Variants in DIS3L2 observed in about 807,000 individuals in gnomAD.
DIS3L2 encodes the protein DIS3-like exonuclease 2.
A neutral mutation model predicts 97.5 loss-of-function variants in DIS3L2; 34 were observed. The observed-to-expected ratio is 0.35, with a 90% CI of 0.27 to 0.46. DIS3L2 has a LOEUF of 0.46. DIS3L2 is among the 20% of genes least tolerant of loss of function. The pLI, the probability that DIS3L2 is intolerant of heterozygous loss-of-function variation, is 1.00. For synonymous variants in DIS3L2, 435 were observed against 445.2 expected (o/e 0.98, Z 0.29); for missense variants, 1,038 against 1,146.0 (o/e 0.91, Z 1.36).
intron 1 of DIS3L2, among the ~76,000 whole-genome samples, chr2:231,987,355 G>A (rs926031281): frequency 2.0e-5 from 3 of 152,158 alleles, no homozygotes; most frequent in African/African-American, 7.2e-5. Context: ...CATGTGTATG[G>A]GTTTGCCAAG....
intron 13 of DIS3L2, among the ~76,000 whole-genome samples, chr2:232,297,179 A>G (rs950916706): frequency 1.3e-5 from 2 of 152,078 alleles, no homozygotes; most frequent in South Asian, 2.1e-4. Context: ...GCATTTCTCT[A>G]TGCCCTCTCT....
chr2:232,059,273 C>G (rs560823392), intron 5 of DIS3L2, among the ~76,000 whole-genome samples: 1 of 152,204 alleles, frequency 6.6e-6, no homozygotes, highest in South Asian at 2.1e-4. Context: ...AAGATGAAAG[C>G]TTTTAAAATG....
chr2:232,120,048 A>G (rs1046327830), intron 6 of DIS3L2, among the ~76,000 whole-genome samples: 8 of 152,086 alleles, frequency 5.3e-5, no homozygotes, highest in Non-Finnish European at 1.2e-4. Flanking sequence ...CTACTCTCAG[A>G]TGATGTTATC....
intron 5 of DIS3L2, among the ~76,000 whole-genome samples, chr2:232,080,829 A>G (rs1229797558): frequency 1.4e-5 from 2 of 147,200 alleles, no homozygotes; most frequent in Non-Finnish European, 3.0e-5. Flanking sequence ...TGAGCCTGGG[A>G]GGTGGAGGTT....
intron 14 of DIS3L2, among the ~76,000 whole-genome samples, chr2:232,327,263 A>T (rs149499215): frequency 3.3e-5 from 5 of 152,226 alleles, no homozygotes; most frequent in South Asian, 2.1e-4. Flanking sequence ...GCTGCCCGCT[A>T]TGGGGTCATG....
At chr2:232,186,360 C>G (rs549431351) in intron 9 of DIS3L2, among the ~76,000 whole-genome samples, 1 of 152,142 alleles carries the variant, frequency 6.6e-6, no homozygotes, top group Non-Finnish European at 1.5e-5. Flanking sequence ...AACCATGTCA[C>G]ATAGACAATC....
At chr2:232,002,877 C>G (rs981860913) in intron 1 of DIS3L2, among the ~76,000 whole-genome samples, 1 of 151,958 alleles carries the variant, frequency 6.6e-6, no homozygotes, top group African/African-American at 2.4e-5. Context: ...TTTTTTCTTT[C>G]TTTGTCATAT....
intron 1 of DIS3L2, among the ~76,000 whole-genome samples, chr2:231,983,364 A>G (rs1693314265): frequency 6.6e-6 from 1 of 152,210 alleles, no homozygotes; most frequent in Non-Finnish European, 1.5e-5. Context: ...TGTCTCTGTT[A>G]GCCTGTGTTG....
At chr2:232,245,966 C>T (rs1380080354) in intron 11 of DIS3L2, among the ~76,000 whole-genome samples, 1 of 152,132 alleles carries the variant, frequency 6.6e-6, no homozygotes, top group Non-Finnish European at 1.5e-5. Context: ...AAGAGGTGGT[C>T]CATCTCCTGG....
intron 6 of DIS3L2, among the ~76,000 whole-genome samples, chr2:232,089,184 T>A (rs1457928464): frequency 2.6e-5 from 4 of 152,228 alleles, no homozygotes; most frequent in African/African-American, 9.6e-5. Flanking sequence ...AAAGCATGTG[T>A]CCTTTTTGGT....
At chr2:232,234,342 T>A (rs1283916123) in intron 10 of DIS3L2, among the ~76,000 whole-genome samples, 3 of 152,178 alleles carry the variant, frequency 2.0e-5, no homozygotes, top group Non-Finnish European at 4.4e-5. Context: ...CTATCTGTAT[T>A]ATTATTGTTA....
In DIS3L2 at chr2:232,037,500, C is replaced by G. The variant is rs1428852247; in HGVS notation, c.366+7420C>G. Among the ~76,000 whole-genome samples, 2 of 152,208 alleles carry G rather than the reference C, an allele frequency of 1.3e-5. No individual in the cohort carries two copies. Among genetic ancestry groups the G allele is most frequent in the African/African-American group, 4.8e-5 (2 of 41,466 alleles). On this transcript the variant is annotated intron_variant, in intron 5 of 20. Coordinates refer to ENST00000325385, the MANE Select transcript of DIS3L2 (RefSeq NM_152383.5). The surrounding 1 kb of genome is among the most constrained non-coding windows in gnomAD (Gnocchi z 4.6). The stretch of plus-strand genomic sequence containing the variant: ...TGAGGGTGGGATCCGCTGAGCTAGA[C>G]CACTTGGCTCTCTGGCTTCAACCCC...
chr2:232,262,460 C>G (rs972597135), intron 12 of DIS3L2, among the ~76,000 whole-genome samples: 2 of 152,218 alleles, frequency 1.3e-5, no homozygotes, highest in African/African-American at 4.8e-5. Flanking sequence ...TCCTTCAAGC[C>G]CAGTGGTTCT....
intron 13 of DIS3L2, among the ~76,000 whole-genome samples, chr2:232,277,243 G>T (rs767676584): frequency 1.3e-5 from 2 of 152,192 alleles, no homozygotes; most frequent in Non-Finnish European, 2.9e-5. Context: ...GGAAGGCAAA[G>T]GGATGCAGCT....
At position 232,329,798 on chromosome 2, in the gene DIS3L2, A is replaced by G; in HGVS notation, c.1740-15A>G. On this transcript the variant is annotated splice_polypyrimidine_tract_variant and intron_variant, in intron 14 of 20. Coordinates refer to ENST00000325385, the MANE Select transcript of DIS3L2 (RefSeq NM_152383.5). Reference sequence around the variant, plus strand: ...AAACCCCAGCGGTCCCTCCCATCCCACCCACCCTCTGCAGGCTCGTGGAGG... The same window carrying G: ...AAACCCCAGCGGTCCCTCCCATCCCGCCCACCCTCTGCAGGCTCGTGGAGG... The G allele has an allele frequency of 1.1e-5, 2 of 176,672 alleles. No individual in the cohort carries two copies. Among genetic ancestry groups the G allele is most frequent in the Non-Finnish European group, 2.0e-5 (2 of 101,070 alleles). 10.9% of individuals were successfully genotyped at this position (176,672 alleles called of 1,614,324 possible).
Position 232,268,473 on chromosome 2 carries a change from T to A in DIS3L2, c.1659+5033T>A, listed in dbSNP as rs1693905337. 6.6e-6 allele frequency among the ~76,000 whole-genome samples: 1 copy of A among 152,160 alleles called. No individual in the cohort carries two copies. Among genetic ancestry groups the A allele is most frequent in the Admixed American group, 6.5e-5 (1 of 15,280 alleles). ...CTGTAAAGGACCAGATAGTAAATGGTTTAGGCTTTGTGGGCTGTGCAGTCT... is the reference window on the plus strand; with the variant it reads ...CTGTAAAGGACCAGATAGTAAATGGATTAGGCTTTGTGGGCTGTGCAGTCT... On this transcript the variant is annotated intron_variant, in intron 13 of 20. Transcript: ENST00000325385. The surrounding 1 kb of genome is among the most constrained non-coding windows in gnomAD (Gnocchi z 4.1).
chr2:231,966,676 G>A (rs1168923675), intron 1 of DIS3L2, among the ~76,000 whole-genome samples: 1 of 14,770 alleles, frequency 6.8e-5, no homozygotes. Flanking sequence ...TTTTTTTTTT[G>A]TGGAGACAGG....
rs551110135 is a variant in DIS3L2 at position 232,009,460 on chromosome 2, C to T, written c.-93-5375C>T. 2.4e-4 allele frequency among the ~76,000 whole-genome samples: 37 copies of T among 152,160 alleles called. 1 individual carries two copies. The highest frequency in any genetic ancestry group is 6.3e-4 in the South Asian group (3 of 4,798). ...CTGCTGATGTCTCTGCTTAGCTCAT[C>T]CTTTCTTGTTTTTATTTTTCAGTAT... On this transcript the variant is annotated intron_variant, in intron 1 of 20. Coordinates refer to ENST00000325385, the MANE Select transcript of DIS3L2 (RefSeq NM_152383.5).
At chr2:232,232,518 C>T (rs1692822590) in intron 10 of DIS3L2, among the ~76,000 whole-genome samples, 1 of 152,158 alleles carries the variant, frequency 6.6e-6, no homozygotes, top group Non-Finnish European at 1.5e-5. Context: ...AAGGTAGAGT[C>T]AGAATGATTG....
Sources: allele counts gnomAD v4.1 joint callset (sites outside exome capture counted in the v4.1 genomes callset), GRCh38; gene constraint gnomAD v4.1.1; non-coding constraint Gnocchi (gnomAD v3.1); transcripts MANE v1.5; gene names NCBI Gene and HGNC (gene_info 2026-07-23, HGNC 2026-07-21).